The following RSPH9 variants were observed in gnomAD, a reference collection of about 807,000 sequenced individuals.
The protein encoded by RSPH9 is radial spoke head component 9.
A neutral mutation model predicts 27.0 loss-of-function variants in RSPH9; 27 were observed. That is an observed-to-expected ratio of 1.00 (90% CI 0.74 to 1.38). RSPH9 has a LOEUF of 1.38. RSPH9 is among the 40% of genes most tolerant of loss of function. The probability of loss-of-function intolerance (pLI) is 0.00; values close to 1 mark genes in which losing one functional copy is unlikely to be tolerated. For missense variants in RSPH9, 347 were observed against 357.4 expected, an observed-to-expected ratio of 0.97 and a Z score of 0.24; for synonymous variants, 145 against 147.7, an observed-to-expected ratio of 0.98 and a Z score of 0.13.
At chr6:43,645,472 C>T (rs1770755264) in intron 1 of RSPH9, 147 bp downstream of exon 1, 1 of 750,616 alleles carries the variant, frequency 1.3e-6, no homozygotes, top group Non-Finnish European at 2.2e-6. Context: ...TGGGGGAGAC[C>T]CTGGGGGGCG....
intron 2 of RSPH9, among the ~76,000 whole-genome samples, chr6:43,652,973 C>T (rs575870593): frequency 1.3e-5 from 2 of 152,098 alleles, no homozygotes; most frequent in East Asian, 1.9e-4. Flanking sequence ...TGCATACCAC[C>T]ATACCTGGCT....
chr6:43,653,414 T>C (rs1582383010), intron 2 of RSPH9, among the ~76,000 whole-genome samples: 1 of 128,300 alleles, frequency 7.8e-6, no homozygotes. Flanking sequence ...GTCATTGCAC[T>C]CCAGCCTGGG....
intron 2 of RSPH9, among the ~76,000 whole-genome samples, chr6:43,651,796 G>A (rs1561938202): frequency 6.6e-6 from 1 of 151,996 alleles, no homozygotes. Context: ...TGATCCGACC[G>A]CCTCAGTCTC....
At chr6:43,651,437 G>T (rs536353685) in intron 2 of RSPH9, among the ~76,000 whole-genome samples, 1 of 152,072 alleles carries the variant, frequency 6.6e-6, no homozygotes, top group Non-Finnish European at 1.5e-5. Flanking sequence ...TAATAAATCC[G>T]CATGTACAAA....
At chr6:43,668,827 A>C (rs1429797204) in intron 4 of RSPH9, among the ~76,000 whole-genome samples, 1 of 152,126 alleles carries the variant, frequency 6.6e-6, no homozygotes. Context: ...GGGCTGAGGG[A>C]CTGTCTTTAT....
chr6:43,671,616 C>T lies in RSPH9; in HGVS notation c.*667C>T, dbSNP rs1014181093. 6.5e-6 allele frequency: 6 copies of T among 919,758 alleles called. No individual in the cohort carries two copies. Among genetic ancestry groups the T allele is most frequent in the African/African-American group, 1.6e-5 (1 of 60,928 alleles). The allele number at this position is 919,758 out of a possible 1,614,324, so 57.0% of individuals were successfully genotyped here. On this transcript the variant is annotated 3_prime_UTR_variant, in exon 5 of 5. Coordinates refer to ENST00000372163, the MANE Select transcript of RSPH9 (RefSeq NM_152732.5). ...GCAGGCCAAGGGTACTGAAGTTAGTCCCACTGTCCCCTGTCCATGCATGTT... is the reference window on the plus strand; with the variant it reads ...GCAGGCCAAGGGTACTGAAGTTAGTTCCACTGTCCCCTGTCCATGCATGTT...
chr6:43,669,759 C>CT (rs1269461452), intron 4 of RSPH9, among the ~76,000 whole-genome samples: 1 of 152,258 alleles, frequency 6.6e-6, no homozygotes, highest in African/African-American at 2.4e-5. Flanking sequence ...TCCTCCCACA[C>CT]TGTGGCTCCC....
At chr6:43,668,000 C>T (rs989570333) in intron 4 of RSPH9, among the ~76,000 whole-genome samples, 2 of 152,082 alleles carry the variant, frequency 1.3e-5, no homozygotes, top group African/African-American at 4.8e-5. Context: ...ACCCTGTGGG[C>T]CCAGGAAACC....
In RSPH9 at chr6:43,655,547, C is replaced by A. The variant is rs772745909; in HGVS notation, c.394-15C>A. ...ACAGTGCCCTGGCAGGGGGGCTCCT[C>A]TCCTGTCTCCTCAGGTCCAGATCAA... On this transcript the variant is annotated splice_polypyrimidine_tract_variant and intron_variant, in intron 2 of 4. Coordinates refer to ENST00000372163, the MANE Select transcript of RSPH9 (RefSeq NM_152732.5). 1.2e-6 allele frequency: 2 copies of A among 1,613,996 alleles called. No individual in the cohort carries two copies. The highest frequency in any genetic ancestry group is 2.2e-5 in the South Asian group (2 of 91,070).
Position 43,645,102 on chromosome 6 carries a change from G to A in RSPH9, c.4G>A (p.Asp2Asn). The change falls in exon 1 of 5, where the codon GAC becomes AAC. Residue 2 changes from aspartate to asparagine, a missense_variant. Transcript: ENST00000372163. ...GTTGAGCGGAGCCGCTGACCTGATG[G>A]ACGCCGACAGCCTCCTGCTGTCTCT... M[D>N]ADSLLLSLEL... is the part of the protein sequence containing the mutation. 3.1e-6 allele frequency: 5 copies of A among 1,611,182 alleles called. No individual in the cohort carries two copies. The highest frequency in any genetic ancestry group is 2.2e-5 in the East Asian group (1 of 44,874).
At chr6:43,670,122 G>A (rs1561946697) in intron 4 of RSPH9, among the ~76,000 whole-genome samples, 1 of 152,364 alleles carries the variant, frequency 6.6e-6, no homozygotes, top group East Asian at 1.9e-4. Flanking sequence ...ACTAGGTATA[G>A]TGTGGGAGGA....
chr6:43,645,613 C>A lies in RSPH9; in HGVS notation c.227+288C>A, dbSNP rs113119499. Among the ~76,000 whole-genome samples, 59 of 152,340 alleles carry A rather than the reference C, an allele frequency of 3.9e-4. 1 individual carries two copies. Among genetic ancestry groups the A allele is most frequent in the Middle Eastern group, 3.4e-3 (1 of 294 alleles). On this transcript the variant is annotated intron_variant, in intron 1 of 4. Transcript: ENST00000372163. ...ATGTCCCCCGGAGGGCGGGGCCTTG[C>A]GAGAGCTTGTTCTCCGCCTGAGGAG...
At chr6:43,670,454 T>C (rs542139269) in intron 4 of RSPH9, among the ~76,000 whole-genome samples, 27 of 152,152 alleles carry the variant, frequency 1.8e-4, no homozygotes, top group Non-Finnish European at 3.4e-4. Flanking sequence ...ATCAGAAAAG[T>C]TAGCTGGGTA....
intron 1 of RSPH9, among the ~76,000 whole-genome samples, chr6:43,646,174 C>T (rs921409814): frequency 5.2e-4 from 79 of 152,002 alleles, no homozygotes; most frequent in African/African-American, 1.8e-3. Context: ...CTCTGTCGCC[C>T]AGGCTGGAGT....
At chr6:43,653,655 G>A (rs1382359225) in intron 2 of RSPH9, among the ~76,000 whole-genome samples, 1 of 152,104 alleles carries the variant, frequency 6.6e-6, no homozygotes, top group Non-Finnish European at 1.5e-5. Context: ...GCCCTCAGCT[G>A]CATCCTCACC....
intron 4 of RSPH9, among the ~76,000 whole-genome samples, chr6:43,665,675 C>A (rs528452777): frequency 2.2e-4 from 34 of 152,144 alleles, no homozygotes; most frequent in Non-Finnish European, 4.0e-4. Context: ...TGAGCTGGAA[C>A]CTTGGAAGCT....
intron 2 of RSPH9, among the ~76,000 whole-genome samples, chr6:43,653,234 G>T (rs1406952982): frequency 6.6e-6 from 1 of 152,036 alleles, no homozygotes; most frequent in Admixed American, 6.6e-5. Context: ...GGCAGATCAC[G>T]AGGTCAGGAG....
chr6:43,666,490 G>C, intron 4 of RSPH9: 1 of 1,550,434 alleles, frequency 6.4e-7, no homozygotes, highest in Non-Finnish European at 8.7e-7. Flanking sequence ...GGTTGGCCCT[G>C]TTCCTGGGAC....
chr6:43,649,787 G>C (rs1310493396), intron 1 of RSPH9, among the ~76,000 whole-genome samples: 1 of 152,174 alleles, frequency 6.6e-6, no homozygotes, highest in African/African-American at 2.4e-5. Flanking sequence ...CCACACAATT[G>C]AGGAAAGTTC....
Sources: allele counts gnomAD v4.1 joint callset (sites outside exome capture counted in the v4.1 genomes callset), GRCh38; gene constraint gnomAD v4.1.1; transcripts MANE v1.5; gene names NCBI Gene and HGNC (gene_info 2026-07-23, HGNC 2026-07-21).